CTNNA3: variants seen among roughly 807,000 people sequenced by gnomAD.
The protein encoded by CTNNA3 is catenin alpha 3.
CTNNA3 carries 76 observed loss-of-function variants against 95.7 expected under a neutral mutation model. That is an observed-to-expected ratio of 0.79 (90% confidence interval 0.66 to 0.96). The LOEUF is 0.96. Among genes scored for constraint, CTNNA3 ranks in the 40% least tolerant of loss-of-function variants. CTNNA3 has a pLI of 0.00. For synonymous variants in CTNNA3, 431 were observed against 374.4 expected (o/e 1.15, Z -1.74); for missense variants, 1,191 against 1,089.8 (o/e 1.09, Z -1.31).
At position 66,225,390 on chromosome 10, in the gene CTNNA3, AATATATATATATATATATAT is replaced by A. The variant is rs3053735; in HGVS notation, c.1884+55060_1884+55079del. Among the ~76,000 whole-genome samples, 6 of 125,970 alleles carry A rather than the reference AATATATATATATATATATAT, an allele frequency of 4.8e-5. No individual in the cohort carries two copies. The South Asian group carries it at 1.3e-3, about 27-fold the overall frequency. The allele number at this position is 125,970 out of a possible 152,430, so 82.6% of individuals were successfully genotyped here. On this transcript the variant is annotated intron_variant, in intron 13 of 17. Coordinates refer to ENST00000433211, the MANE Select transcript of CTNNA3 (RefSeq NM_013266.4). ...GACAGGATTTCATTCATTTTATTCA[AATATATATATATATATATAT>A]ATATATATATATGAATGAATAGTAT...
chr10:66,033,437 ATTGT>A (rs1309788396), intron 15 of CTNNA3, among the ~76,000 whole-genome samples: 1 of 151,948 alleles, frequency 6.6e-6, no homozygotes, highest in Non-Finnish European at 1.5e-5. Context: ...GCCCGGCATA[ATTGT>A]TTGTTTAATC....
chr10:66,883,554 G>A (rs1404374421), intron 7 of CTNNA3, among the ~76,000 whole-genome samples: 1 of 152,138 alleles, frequency 6.6e-6, no homozygotes, highest in Non-Finnish European at 1.5e-5. Flanking sequence ...TTACATGTAT[G>A]ACCTCTGCTC....
chr10:66,716,828 G>A (rs938056463), intron 9 of CTNNA3, among the ~76,000 whole-genome samples: 7 of 152,088 alleles, frequency 4.6e-5, no homozygotes, highest in Middle Eastern at 3.2e-3. Flanking sequence ...TGCGTCACCC[G>A]ACTTTGGTCT....
chr10:67,005,682 C>CTTTTTTTTT (rs11369576), intron 7 of CTNNA3, among the ~76,000 whole-genome samples: 4,530 of 61,284 alleles, frequency 0.074, 1,293 homozygotes, highest in South Asian at 0.26. Flanking sequence ...TTTACTCCAT[C>CTTTTTTTTT]TTTTTTTTTT....
chr10:66,589,263 G>A (rs1163240536), intron 10 of CTNNA3, among the ~76,000 whole-genome samples: 1 of 151,684 alleles, frequency 6.6e-6, no homozygotes, highest in Non-Finnish European at 1.5e-5. Flanking sequence ...GATAAATAGA[G>A]GAGAGGGGAA....
intron 13 of CTNNA3, among the ~76,000 whole-genome samples, chr10:66,259,083 G>A (rs2090900127): frequency 6.6e-6 from 1 of 152,084 alleles, no homozygotes; most frequent in Non-Finnish European, 1.5e-5. Context: ...TTTGGTCTCT[G>A]CCTTTTTAAT....
chr10:66,420,831 A>AATTAATT (rs1564945835), intron 11 of CTNNA3, among the ~76,000 whole-genome samples: 11 of 55,690 alleles, frequency 2.0e-4, no homozygotes, highest in South Asian at 9.9e-4. Context: ...ATAAATAAAT[A>AATTAATT]AATAAATAAA....
intron 10 of CTNNA3, among the ~76,000 whole-genome samples, chr10:66,618,362 G>T (rs1037108039): frequency 6.6e-6 from 1 of 151,990 alleles, no homozygotes; most frequent in Non-Finnish European, 1.5e-5. Context: ...CCAAAACAGA[G>T]ATATAGATCA....
chr10:66,078,223 T>C (rs1478101320), intron 14 of CTNNA3, among the ~76,000 whole-genome samples: 2 of 151,938 alleles, frequency 1.3e-5, no homozygotes, highest in African/African-American at 4.8e-5. Flanking sequence ...GTATATGTAA[T>C]CTATTTTCCA....
intron 3 of CTNNA3, among the ~76,000 whole-genome samples, chr10:67,550,277 C>T (rs1297357869): frequency 3.3e-5 from 5 of 152,012 alleles, no homozygotes; most frequent in Admixed American, 2.0e-4. Flanking sequence ...AATAGTTCCC[C>T]GAAGAATACT....
chr10:66,154,018 C>A (rs553447809), intron 13 of CTNNA3, among the ~76,000 whole-genome samples: 8 of 151,832 alleles, frequency 5.3e-5, no homozygotes, highest in Non-Finnish European at 1.2e-4. Flanking sequence ...TGAAGGGCTG[C>A]AATCTCTATC....
chr10:66,948,945 A>G (rs1411421429), intron 7 of CTNNA3, among the ~76,000 whole-genome samples: 2 of 152,202 alleles, frequency 1.3e-5, no homozygotes, highest in African/African-American at 4.8e-5. Flanking sequence ...GAACAAAGAC[A>G]TAATTCCAGA....
chr10:65,930,218 A>C (rs920037227), intron 17 of CTNNA3, among the ~76,000 whole-genome samples: 4 of 150,240 alleles, frequency 2.7e-5, no homozygotes, highest in African/African-American at 7.3e-5. Flanking sequence ...AAAAAAAAAA[A>C]AAAAAAAACA....
Position 66,028,819 on chromosome 10 carries a change from C to A in CTNNA3, c.2160-40022G>T, listed in dbSNP as rs546623351. 2.0e-5 allele frequency among the ~76,000 whole-genome samples: 3 copies of A among 152,062 alleles called. No homozygotes were observed. The East Asian group carries it at 5.8e-4, about 29-fold the overall frequency. On this transcript the variant is annotated intron_variant, in intron 15 of 17. Transcript: ENST00000433211. ...AAAGGAATAGAAGTTAAACTAAACC[C>A]AAATAAAATTCTCCATACCAATATT...
At chr10:66,443,902 T>C (rs1367009030) in intron 11 of CTNNA3, among the ~76,000 whole-genome samples, 1 of 151,950 alleles carries the variant, frequency 6.6e-6, no homozygotes, top group Non-Finnish European at 1.5e-5. Context: ...TTCAAACCAA[T>C]GGCAAAGAAG....
At chr10:66,865,471 T>C (rs189756710) in intron 7 of CTNNA3, among the ~76,000 whole-genome samples, 30 of 151,704 alleles carry the variant, frequency 2.0e-4, no homozygotes, top group African/African-American at 7.3e-4. Context: ...GTTTCATTAA[T>C]GTGTTTTTTC....
At chr10:67,514,291 T>C (rs1001940550) in intron 5 of CTNNA3, among the ~76,000 whole-genome samples, 1 of 152,084 alleles carries the variant, frequency 6.6e-6, no homozygotes, top group Non-Finnish European at 1.5e-5. Flanking sequence ...CAGAGCGAGA[T>C]TGTCTCAAAC....
intron 1 of CTNNA3, among the ~76,000 whole-genome samples, chr10:67,681,639 T>C (rs1352353807): frequency 6.6e-6 from 1 of 151,956 alleles, no homozygotes; most frequent in African/African-American, 2.4e-5. Context: ...AAAGTATGTA[T>C]AATAAATTTA....
chr10:66,205,958 A>C (rs538981249), intron 13 of CTNNA3, among the ~76,000 whole-genome samples: 1 of 152,110 alleles, frequency 6.6e-6, no homozygotes, highest in Non-Finnish European at 1.5e-5. Flanking sequence ...GCACTGAACT[A>C]ACCACATTAT....
Sources: allele counts gnomAD v4.1 joint callset (sites outside exome capture counted in the v4.1 genomes callset), GRCh38; gene constraint gnomAD v4.1.1; transcripts MANE v1.5; gene names NCBI Gene and HGNC (gene_info 2026-07-23, HGNC 2026-07-21).